Variants in PDE1A observed in about 807,000 individuals in gnomAD.
PDE1A encodes phosphodiesterase 1A, also known as dual specificity calcium/calmodulin-dependent 3',5'-cyclic nucleotide phosphodiesterase 1A.
PDE1A carries 35 observed loss-of-function variants against 61.7 expected under a neutral mutation model. That is an observed-to-expected ratio of 0.57 (90% CI 0.43 to 0.75). The LOEUF is 0.75. PDE1A is among the 30% of genes least tolerant of loss of function. The probability of loss-of-function intolerance (pLI) is 0.00; values close to 1 mark genes in which losing one functional copy is unlikely to be tolerated. For synonymous variants in PDE1A, 232 were observed against 213.2 expected (o/e 1.09, Z -0.77); for missense variants, 597 against 630.6 (o/e 0.95, Z 0.57).
chr2:182,466,843 G>T (rs1042379403), intron 2 of PDE1A, among the ~76,000 whole-genome samples: 1 of 151,978 alleles, frequency 6.6e-6, no homozygotes, highest in Non-Finnish European at 1.5e-5. Flanking sequence ...CCTAACTAGT[G>T]CCTTCTTTCT....
At chr2:182,283,995 C>T (rs1693994339) in intron 1 of PDE1A, among the ~76,000 whole-genome samples, 1 of 152,072 alleles carries the variant, frequency 6.6e-6, no homozygotes, top group Non-Finnish European at 1.5e-5. Flanking sequence ...TTATAACAAT[C>T]AAGTACATAC....
the PDE1A span, among the ~76,000 whole-genome samples, chr2:182,706,781 A>G: frequency 1.3e-5 from 2 of 152,226 alleles, no homozygotes; most frequent in African/African-American, 2.4e-5. Flanking sequence ...CTGATTTCAC[A>G]CTGGTAGTAA....
chr2:182,591,109 T>A, the PDE1A span, among the ~76,000 whole-genome samples: 12,509 of 152,248 alleles, frequency 0.082, 1,640 homozygotes, highest in African/African-American at 0.28. Flanking sequence ...AAACTGGACC[T>A]ATTCTTTTTA....
chr2:182,470,248 C>A (rs1204992144), intron 2 of PDE1A, among the ~76,000 whole-genome samples: 1 of 151,738 alleles, frequency 6.6e-6, no homozygotes, highest in East Asian at 1.9e-4. Context: ...AAGAATTTGA[C>A]AAAATAGACC....
chr2:182,258,003 TA>T (rs1245872716), intron 2 of PDE1A, among the ~76,000 whole-genome samples: 2 of 151,602 alleles, frequency 1.3e-5, no homozygotes, highest in Non-Finnish European at 2.9e-5. Context: ...CCATCTCTAG[TA>T]AAAAGACAAA....
chr2:182,620,956 A>G, the PDE1A span, among the ~76,000 whole-genome samples: 1 of 152,140 alleles, frequency 6.6e-6, no homozygotes, highest in Non-Finnish European at 1.5e-5. Flanking sequence ...TTATCAGCCC[A>G]CACAAGACAT....
At chr2:182,531,265 A>T in the PDE1A span, among the ~76,000 whole-genome samples, 8 of 152,026 alleles carry the variant, frequency 5.3e-5, no homozygotes, top group South Asian at 1.5e-3. Flanking sequence ...AAAAATCAAG[A>T]CTTAAATCCT....
At chr2:182,442,671 T>C (rs1003393698) in intron 2 of PDE1A, among the ~76,000 whole-genome samples, 1 of 152,058 alleles carries the variant, frequency 6.6e-6, no homozygotes, top group Non-Finnish European at 1.5e-5. Context: ...ACATAAACAA[T>C]TGTTCCTGGA....
chr2:182,534,383 G>C, the PDE1A span, among the ~76,000 whole-genome samples: 13 of 151,780 alleles, frequency 8.6e-5, no homozygotes, highest in Admixed American at 8.5e-4. Flanking sequence ...TGGGTCAAGG[G>C]TTATAAATCT....
chr2:182,376,496 T>A (rs1263410104), intron 1 of PDE1A, among the ~76,000 whole-genome samples: 1 of 152,200 alleles, frequency 6.6e-6, no homozygotes, highest in Admixed American at 6.5e-5. Flanking sequence ...AGCCTGGATT[T>A]CATTGTCCAT....
intron 1 of PDE1A, among the ~76,000 whole-genome samples, chr2:182,324,899 G>C (rs1230422544): frequency 6.6e-6 from 1 of 152,180 alleles, no homozygotes; most frequent in Non-Finnish European, 1.5e-5. Context: ...TTACGTGCCA[G>C]TTGCTTTCAC....
chr2:182,257,367 G>A (rs1295569534), intron 2 of PDE1A, among the ~76,000 whole-genome samples: 9 of 152,086 alleles, frequency 5.9e-5, no homozygotes, highest in Admixed American at 2.0e-4. Flanking sequence ...TCAAAAAATT[G>A]GTTTAGTCTA....
chr2:182,234,509 CAAAAAT>C lies in PDE1A; in HGVS notation c.351-17_351-12del. The C allele has an allele frequency of 6.6e-7, 1 of 1,526,418 alleles. No individual in the cohort carries two copies. The highest frequency in any genetic ancestry group is 9.0e-7 in the Non-Finnish European group (1 of 1,108,636). The allele number at this position is 1,526,418 out of a possible 1,614,324, so 94.6% of individuals were successfully genotyped here. ...GTTTTTCGGTACATTCTAAAAAAGA[CAAAAAT>C]AAGTGTAAATATAAAATTCATTTAT... is the stretch of plus-strand genomic sequence containing the variant. On this transcript the variant is annotated splice_polypyrimidine_tract_variant and intron_variant, in intron 3 of 13. Coordinates refer to ENST00000351439, the Ensembl canonical transcript of PDE1A.
the PDE1A span, among the ~76,000 whole-genome samples, chr2:182,650,731 A>G: frequency 6.6e-6 from 1 of 152,242 alleles, no homozygotes; most frequent in African/African-American, 2.4e-5. Context: ...TAACGTAAGT[A>G]TACTCTCTTG....
At chr2:182,537,885 G>A in the PDE1A span, among the ~76,000 whole-genome samples, 1 of 151,984 alleles carries the variant, frequency 6.6e-6, no homozygotes, top group Non-Finnish European at 1.5e-5. Flanking sequence ...CTGGAATTTT[G>A]TTCTAGGTGT....
At chr2:182,571,037 T>A in the PDE1A span, among the ~76,000 whole-genome samples, 1 of 152,236 alleles carries the variant, frequency 6.6e-6, no homozygotes, top group African/African-American at 2.4e-5. Flanking sequence ...GCAACTGCTA[T>A]AAAATAAGTG....
At chr2:182,297,981 C>T (rs1255069229) in intron 1 of PDE1A, among the ~76,000 whole-genome samples, 3 of 152,198 alleles carry the variant, frequency 2.0e-5, no homozygotes, top group Non-Finnish European at 2.9e-5. Context: ...TTGGAGGAAT[C>T]ATATGCAAAG....
At chr2:182,679,193 T>TA in the PDE1A span, among the ~76,000 whole-genome samples, 84 of 145,838 alleles carry the variant, frequency 5.8e-4, no homozygotes, top group Middle Eastern at 7.1e-3. Flanking sequence ...TTATTATTAT[T>TA]TTTTTTTTGA....
In PDE1A at chr2:182,217,769, A is replaced by G. The variant is rs1574749062; in HGVS notation, c.776+6095T>C. Among the ~76,000 whole-genome samples the G allele has an allele frequency of 2.0e-5, 3 of 147,766 alleles. No homozygotes were observed. The South Asian group carries it at 6.6e-4, about 32-fold the overall frequency. On this transcript the variant is annotated intron_variant, in intron 7 of 13. Coordinates refer to ENST00000351439, the Ensembl canonical transcript of PDE1A. The stretch of plus-strand genomic sequence containing the variant: ...GCGATCATTAAAAAGTCAGGAAACA[A>G]CAGGTGCTGGAGAGGATGTGGAGAA...
Sources: allele counts gnomAD v4.1 joint callset (sites outside exome capture counted in the v4.1 genomes callset), GRCh38; gene constraint gnomAD v4.1.1; transcripts MANE v1.5; gene names NCBI Gene and HGNC (gene_info 2026-07-23, HGNC 2026-07-21).